VAPB: variants seen among roughly 807,000 people sequenced by gnomAD.
The protein encoded by VAPB is vesicle-associated membrane protein-associated protein B/C.
VAPB carries 7 observed loss-of-function variants against 25.6 expected under a neutral mutation model. That is an observed-to-expected ratio of 0.27 (90% CI 0.16 to 0.51). The LOEUF is 0.51. Among genes scored for constraint, VAPB ranks in the 20% least tolerant of loss-of-function variants. The pLI, the probability that VAPB is intolerant of heterozygous loss-of-function variation, is 0.97. For missense variants in VAPB, 266 were observed against 301.3 expected, an observed-to-expected ratio of 0.88 and a Z score of 0.87; for synonymous variants, 112 against 109.2, an observed-to-expected ratio of 1.03 and a Z score of -0.16.
At chr20:58,391,759 C>T (rs1050477384) in intron 1 of VAPB, among the ~76,000 whole-genome samples, 14 of 152,158 alleles carry the variant, frequency 9.2e-5, no homozygotes, top group African/African-American at 2.2e-4. Flanking sequence ...TCTCAAACTC[C>T]GGACCTCAAG....
At chr20:58,415,150 G>GTCTTAC (rs761630342) in intron 1 of VAPB, among the ~76,000 whole-genome samples, 1 of 152,242 alleles carries the variant, frequency 6.6e-6, no homozygotes, top group Non-Finnish European at 1.5e-5. Flanking sequence ...CCCTCTTACT[G>GTCTTAC]TCTTACTCTT....
intron 1 of VAPB, among the ~76,000 whole-genome samples, chr20:58,391,821 G>A (rs968702384): frequency 2.6e-5 from 4 of 152,108 alleles, no homozygotes; most frequent in African/African-American, 4.8e-5. Flanking sequence ...GCGTGAGCCC[G>A]GCCACCACTA....
chr20:58,408,902 C>T (rs1451240101), intron 1 of VAPB, among the ~76,000 whole-genome samples: 2 of 104,620 alleles, frequency 1.9e-5, no homozygotes, highest in African/African-American at 3.6e-5. Context: ...CCCCCCCCCC[C>T]ACCCCGCCCC....
intron 2 of VAPB, among the ~76,000 whole-genome samples, chr20:58,427,552 G>GTGA (rs1988826280): frequency 6.6e-6 from 1 of 151,266 alleles, no homozygotes; most frequent in South Asian, 2.1e-4. Context: ...GCAGGCAAAA[G>GTGA]TGATCTGTGA....
At chr20:58,412,229 A>C (rs1410290952) in intron 1 of VAPB, among the ~76,000 whole-genome samples, 1 of 152,070 alleles carries the variant, frequency 6.6e-6, no homozygotes, top group Non-Finnish European at 1.5e-5. Flanking sequence ...GGAGTTTTAT[A>C]GTTTGGGGTC....
intron 1 of VAPB, among the ~76,000 whole-genome samples, chr20:58,390,512 T>C (rs924477444): frequency 9.9e-5 from 15 of 151,976 alleles, no homozygotes; most frequent in African/African-American, 3.6e-4. Flanking sequence ...ACAAGACAGA[T>C]AAGGCCTCTG....
intron 2 of VAPB, among the ~76,000 whole-genome samples, chr20:58,425,975 C>T (rs1446370122): frequency 6.6e-6 from 1 of 152,196 alleles, no homozygotes; most frequent in African/African-American, 2.4e-5. Context: ...TCACTGCAAC[C>T]TCCACCTCCT....
chr20:58,410,136 C>A (rs1479505146), intron 1 of VAPB, among the ~76,000 whole-genome samples: 1 of 152,070 alleles, frequency 6.6e-6, no homozygotes, highest in African/African-American at 2.4e-5. Context: ...AACTCCTACC[C>A]CACACATGCA....
chr20:58,446,246 C>T lies in VAPB; in HGVS notation c.*2011C>T, dbSNP rs548836003. The T allele has an allele frequency of 6.6e-6, 3 of 453,884 alleles. No individual in the cohort carries two copies. Among genetic ancestry groups the T allele is most frequent in the Non-Finnish European group, 1.3e-5 (3 of 226,782 alleles). 28.1% of individuals were successfully genotyped at this position (453,884 alleles called of 1,614,324 possible). ...TACTTATAAAAGGGAGTGAAAAGAC[C>T]GAGCTGTAAGGCATGTGCCTTCTGC... On this transcript the variant is annotated 3_prime_UTR_variant, in exon 6 of 6. Transcript: ENST00000475243.
intron 1 of VAPB, among the ~76,000 whole-genome samples, chr20:58,416,619 G>A (rs1038752735): frequency 1.3e-5 from 2 of 152,128 alleles, no homozygotes; most frequent in Non-Finnish European, 2.9e-5. Flanking sequence ...CATGAGTAAC[G>A]TTGGATCAAA....
intron 1 of VAPB, among the ~76,000 whole-genome samples, chr20:58,411,661 CATTTT>C (rs534774180): frequency 1.3e-5 from 2 of 152,058 alleles, no homozygotes; most frequent in Non-Finnish European, 2.9e-5. Context: ...TTAGGTTGTT[CATTTT>C]ATTTTATTTT....
rs932686915 is a variant in VAPB, at chr20:58,450,478, T to C, written c.*6243T>C. The stretch of plus-strand genomic sequence containing the variant: ...ACCGAGAGAAAAATGCAAAATATAT[T>C]TGGTTCTCATTTCTGTTGCTGTCGT... On this transcript the variant is annotated 3_prime_UTR_variant, in exon 6 of 6. Transcript: ENST00000475243. The C allele has an allele frequency of 1.1e-5, 5 of 453,942 alleles. No individual in the cohort carries two copies. The highest frequency in any genetic ancestry group is 8.0e-5 in the African/African-American group (4 of 49,988). 28.1% of individuals were successfully genotyped at this position (453,942 alleles called of 1,614,324 possible).
intron 3 of VAPB, among the ~76,000 whole-genome samples, chr20:58,436,188 T>A (rs1989040154): frequency 6.6e-6 from 1 of 152,130 alleles, no homozygotes; most frequent in South Asian, 2.1e-4. Context: ...TGATATAAGT[T>A]TAAATTTTTT....
Position 58,450,199 on chromosome 20 carries a change from AG to A in VAPB, c.*5965del, listed in dbSNP as rs753004129. 1.5e-5 allele frequency: 7 copies of A among 453,846 alleles called. No homozygotes were observed. The highest frequency in any genetic ancestry group is 9.3e-5 in the South Asian group (6 of 64,456). 28.1% of individuals were successfully genotyped at this position (453,846 alleles called of 1,614,324 possible). A position where few individuals can be genotyped will look rare whatever the true frequency, so the allele number is the denominator to read the frequency against. On this transcript the variant is annotated 3_prime_UTR_variant, in exon 6 of 6. Transcript: ENST00000475243. ...GACTGAATTCAGCTGTTAATCCTCT[AG>A]TACAGTATCCATGTTAAAATGTTTT...
chr20:58,415,514 C>T (rs79792160), intron 1 of VAPB, among the ~76,000 whole-genome samples: 8,627 of 152,186 alleles, frequency 0.057, 384 homozygotes, highest in Non-Finnish European at 0.084. Context: ...GGTTTTGTTA[C>T]AGACATTATC....
intron 2 of VAPB, chr20:58,432,279 G>T (rs1489230923): frequency 6.6e-6 from 1 of 152,164 alleles, no homozygotes; most frequent in South Asian, 2.1e-4. Flanking sequence ...CTAAAAATTA[G>T]CATTTTCCTT....
chr20:58,430,810 A>C (rs1273773031), intron 2 of VAPB, among the ~76,000 whole-genome samples: 1 of 152,138 alleles, frequency 6.6e-6, no homozygotes, highest in African/African-American at 2.4e-5. Context: ...TCTTGACCTC[A>C]GGTGATCCAC....
chr20:58,414,740 A>T (rs2123052641), intron 1 of VAPB, among the ~76,000 whole-genome samples: 1 of 150,796 alleles, frequency 6.6e-6, no homozygotes, highest in Admixed American at 6.6e-5. Context: ...CACCTCCCAG[A>T]CTGGGCAGCC....
At chr20:58,419,537 G>A (rs1988623305) in intron 2 of VAPB, among the ~76,000 whole-genome samples, 1 of 152,170 alleles carries the variant, frequency 6.6e-6, no homozygotes, top group African/African-American at 2.4e-5. Context: ...CCCTGTAAGG[G>A]ATGCATTGTC....
Sources: gnomAD v4.1 joint callset for allele counts (sites outside exome capture counted in the v4.1 genomes callset) on GRCh38, gnomAD v4.1.1 for gene constraint, MANE v1.5 for transcripts, NCBI Gene and HGNC (gene_info 2026-07-23, HGNC 2026-07-21) for gene names.